LRRC2: variants seen among roughly 807,000 people sequenced by gnomAD.
LRRC2 encodes the protein leucine rich repeat containing 2, also known as leucine-rich repeat-containing protein 2.
In LRRC2, 27 loss-of-function variants were observed where a neutral mutation model predicts 40.2. The observed-to-expected ratio is 0.67, with a 90% CI of 0.49 to 0.93. The LOEUF (loss-of-function observed/expected upper bound fraction) is 0.93. Ranked by LOEUF, LRRC2 falls within the 40% of genes least tolerant of loss-of-function variation. The pLI is 0.00. For missense variants in LRRC2, 402 were observed against 439.6 expected (o/e 0.91, Z 0.76); for synonymous variants, 147 against 158.9 (o/e 0.92, Z 0.56).
chr3:46,552,373 T>G (rs955895587), intron 1 of LRRC2, among the ~76,000 whole-genome samples: 1 of 117,104 alleles, frequency 8.5e-6, no homozygotes, highest in African/African-American at 3.4e-5. Context: ...CTTAGTTGTA[T>G]TTAAATCTAA....
At position 46,518,807 on chromosome 3, in the gene LRRC2, A is replaced by G. The variant is rs1277232014; in HGVS notation, c.*207T>C. 11 of 497,144 alleles carry G rather than the reference A, an allele frequency of 2.2e-5. No homozygotes were observed. Among genetic ancestry groups the G allele is most frequent in the Non-Finnish European group, 3.2e-5 (9 of 281,768 alleles). 30.8% of individuals were successfully genotyped at this position (497,144 alleles called of 1,614,324 possible). A position where few individuals can be genotyped will look rare whatever the true frequency, so the allele number is the denominator to read the frequency against. ...TATGCAAATGAACCTGGAAATATCAATATACAAACCAATTTTTCAATTCTC... is the reference window on the plus strand; with the variant it reads ...TATGCAAATGAACCTGGAAATATCAGTATACAAACCAATTTTTCAATTCTC... On this transcript the variant is annotated 3_prime_UTR_variant, in exon 9 of 9. Coordinates refer to ENST00000395905, the MANE Select transcript of LRRC2 (RefSeq NM_024512.5).
At chr3:46,524,567 A>G (rs1704023218) in intron 7 of LRRC2, among the ~76,000 whole-genome samples, 1 of 152,138 alleles carries the variant, frequency 6.6e-6, no homozygotes, top group African/African-American at 2.4e-5. Context: ...GTTCCACCTT[A>G]CTTTCATCAA....
Position 46,515,952 on chromosome 3 carries a change from C to CTTTTTTTTTTTTTTTTT in LRRC2, c.*3045_*3061dup, listed in dbSNP as rs35530625. 1 of 117,094 alleles carries CTTTTTTTTTTTTTTTTT rather than the reference C, an allele frequency of 8.5e-6. No homozygotes were observed. The highest frequency in any genetic ancestry group is 4.2e-5 in the African/African-American group (1 of 23,984). 7.3% of individuals were successfully genotyped at this position (117,094 alleles called of 1,614,324 possible). On this transcript the variant is annotated 3_prime_UTR_variant, in exon 9 of 9. Transcript: ENST00000395905. The stretch of plus-strand genomic sequence containing the variant: ...TTTCCTACTCTTTTCATCTCTCTCT[C>CTTTTTTTTTTTTTTTTT]TTTTTTTTTTTTTTTTTTTTTTTTT...
chr3:46,530,767 A>G lies in LRRC2; in HGVS notation c.628-717T>C, dbSNP rs142132623. ...TGAGATTTATTCTCACGAGAACAGC[A>G]CAAGAAAGACCTGCTCCCATGATTC... is the stretch of plus-strand genomic sequence containing the variant. On this transcript the variant is annotated intron_variant, in intron 5 of 8. Coordinates refer to ENST00000395905, the MANE Select transcript of LRRC2 (RefSeq NM_024512.5). Among the ~76,000 whole-genome samples the G allele has an allele frequency of 5.2e-3, 798 of 152,254 alleles. 9 individuals carry two copies. Among genetic ancestry groups the G allele is most frequent in the African/African-American group, 0.018 (738 of 41,548 alleles).
chr3:46,522,440 G>T (rs906804381), intron 7 of LRRC2, among the ~76,000 whole-genome samples: 15 of 151,588 alleles, frequency 9.9e-5, no homozygotes, highest in African/African-American at 3.4e-4. Context: ...GACAGGAACA[G>T]AGGCTCATGC....
chr3:46,522,050 C>T (rs1404213774), intron 7 of LRRC2, among the ~76,000 whole-genome samples: 1 of 152,072 alleles, frequency 6.6e-6, no homozygotes, highest in Non-Finnish European at 1.5e-5. Flanking sequence ...ACAAAGGACT[C>T]AAGGAAAATC....
intron 4 of LRRC2, among the ~76,000 whole-genome samples, chr3:46,534,537 C>T (rs909818955): frequency 6.6e-5 from 10 of 151,740 alleles, no homozygotes; most frequent in Middle Eastern, 6.8e-3. Context: ...ACTAAATGCA[C>T]ACCACTTTCA....
rs1260189703 is a variant in LRRC2, at chr3:46,517,203, G to A, written c.*1811C>T. 1 of 151,136 alleles carries A rather than the reference G, an allele frequency of 6.6e-6. No individual in the cohort carries two copies. Among genetic ancestry groups the A allele is most frequent in the East Asian group, 1.9e-4 (1 of 5,168 alleles). 9.4% of individuals were successfully genotyped at this position (151,136 alleles called of 1,614,324 possible). A position where few individuals can be genotyped will look rare whatever the true frequency, so the allele number is the denominator to read the frequency against. On this transcript the variant is annotated 3_prime_UTR_variant, in exon 9 of 9. Coordinates refer to ENST00000395905, the MANE Select transcript of LRRC2 (RefSeq NM_024512.5). Reference sequence around the variant, plus strand: ...AGCTCCACTGGATGGTACTGGGCAAGACCACAGAGGAGATGATTCATATAA... The same window carrying A: ...AGCTCCACTGGATGGTACTGGGCAAAACCACAGAGGAGATGATTCATATAA...
chr3:46,534,126 G>T (rs1405189656), intron 4 of LRRC2, among the ~76,000 whole-genome samples: 1 of 151,844 alleles, frequency 6.6e-6, no homozygotes, highest in Non-Finnish European at 1.5e-5. Context: ...CCCTCCCTGT[G>T]TCCATGTGTT....
chr3:46,519,634 C>T (rs1005512616), intron 8 of LRRC2, among the ~76,000 whole-genome samples: 2 of 152,200 alleles, frequency 1.3e-5, no homozygotes, highest in Admixed American at 6.5e-5. Context: ...ACATCACCAG[C>T]GAGCTGGTCA....
intron 1 of LRRC2, chr3:46,558,487 C>T (rs969958788): frequency 2.0e-5 from 3 of 152,276 alleles, no homozygotes; most frequent in Admixed American, 6.5e-5. Flanking sequence ...CACCCAGTGG[C>T]CCGTCTACGG....
chr3:46,542,280 T>C lies in LRRC2; in HGVS notation c.333+2766A>G, dbSNP rs539680983. On this transcript the variant is annotated intron_variant, in intron 3 of 8. Coordinates refer to ENST00000395905, the MANE Select transcript of LRRC2 (RefSeq NM_024512.5). Reference sequence around the variant, plus strand: ...TGGGAGGCTAAGGCAAGACAATCACTTGAGCCTAGGAGTTCAAGACCAGCC... The same window carrying C: ...TGGGAGGCTAAGGCAAGACAATCACCTGAGCCTAGGAGTTCAAGACCAGCC... Among the ~76,000 whole-genome samples, 13 of 152,156 alleles carry C rather than the reference T, an allele frequency of 8.5e-5. No individual in the cohort carries two copies. The East Asian group carries it at 2.1e-3, about 25-fold the overall frequency.
chr3:46,545,461 T>C (rs373015238), intron 2 of LRRC2, among the ~76,000 whole-genome samples: 1 of 152,204 alleles, frequency 6.6e-6, no homozygotes, highest in East Asian at 1.9e-4. Flanking sequence ...ACTTTAAAAG[T>C]AGAGAAGATG....
Position 46,535,995 on chromosome 3 carries a change from C to T in LRRC2, c.490+3050G>A, listed in dbSNP as rs574024866. Reference sequence around the variant, plus strand: ...TGCTCAAGGTTACCTTCCAGTAAGTCAAAGACCCAGGCAGCCTGATCCTAG... The same window carrying T: ...TGCTCAAGGTTACCTTCCAGTAAGTTAAAGACCCAGGCAGCCTGATCCTAG... On this transcript the variant is annotated intron_variant, in intron 4 of 8. Coordinates refer to ENST00000395905, the MANE Select transcript of LRRC2 (RefSeq NM_024512.5). Among the ~76,000 whole-genome samples the T allele has an allele frequency of 1.4e-4, 22 of 152,236 alleles. No homozygotes were observed. In the South Asian group the frequency reaches 4.6e-3, roughly 32 times the overall value.
intron 1 of LRRC2, among the ~76,000 whole-genome samples, chr3:46,565,919 T>G (rs1705049439): frequency 6.6e-6 from 1 of 152,194 alleles, no homozygotes; most frequent in Non-Finnish European, 1.5e-5. Context: ...CGGGGACCCC[T>G]GCCTCCCCAC....
At chr3:46,544,116 A>G (rs995820039) in intron 3 of LRRC2, among the ~76,000 whole-genome samples, 1 of 111,362 alleles carries the variant, frequency 9.0e-6, no homozygotes, top group African/African-American at 2.6e-5. Context: ...CACGCAAAAT[A>G]TTTAGTCTCT....
intron 4 of LRRC2, among the ~76,000 whole-genome samples, chr3:46,533,969 C>T (rs939209540): frequency 1.4e-5 from 2 of 147,602 alleles, no homozygotes; most frequent in African/African-American, 5.0e-5. Flanking sequence ...ATGCAGGTTT[C>T]TTATATCGGT....
rs530600803 is a variant in LRRC2 at position 46,517,331 on chromosome 3, T to C, written c.*1683A>G. 6.6e-6 allele frequency: 1 copy of C among 151,792 alleles called. No homozygotes were observed. Among genetic ancestry groups the C allele is most frequent in the African/African-American group, 2.4e-5 (1 of 41,318 alleles). The allele number at this position is 151,792 out of a possible 1,614,324, so 9.4% of individuals were successfully genotyped here. ...CAATAATAATATTGTTATTGCTGTTTGTTTTGCTTTTGAGACAGGGTCTCA... is the reference window on the plus strand; with the variant it reads ...CAATAATAATATTGTTATTGCTGTTCGTTTTGCTTTTGAGACAGGGTCTCA... On this transcript the variant is annotated 3_prime_UTR_variant, in exon 9 of 9. Transcript: ENST00000395905.
At chr3:46,537,038 T>C (rs1355545862) in intron 4 of LRRC2, among the ~76,000 whole-genome samples, 1 of 152,170 alleles carries the variant, frequency 6.6e-6, no homozygotes, top group African/African-American at 2.4e-5. Flanking sequence ...CAAGCCAAGG[T>C]GGCAGGATGG....
Sources: allele counts gnomAD v4.1 joint callset (sites outside exome capture counted in the v4.1 genomes callset), GRCh38; gene constraint gnomAD v4.1.1; transcripts MANE v1.5; gene names NCBI Gene and HGNC (gene_info 2026-07-23, HGNC 2026-07-21).